EIF2A: variants seen among roughly 807,000 people sequenced by gnomAD.
EIF2A encodes eukaryotic translation initiation factor 2A, also known as 65 kDa eukaryotic translation initiation factor 2A.
Under a neutral mutation model 75.2 loss-of-function variants are expected in EIF2A, and 62 were observed. That is an observed-to-expected ratio of 0.82 (90% CI 0.67 to 1.02). EIF2A has a LOEUF of 1.02. EIF2A is among the 50% of genes least tolerant of loss of function. The pLI is 0.00. For missense variants in EIF2A, 611 were observed against 677.7 expected (o/e 0.90, Z 1.09); for synonymous variants, 207 against 239.0 (o/e 0.87, Z 1.23).
At chr3:150,564,603 T>C in intron 6 of EIF2A, 1 of 345,880 alleles carries the variant, frequency 2.9e-6, no homozygotes. Context: ...GTAATTGCTA[T>C]TAAGACATTT....
Position 150,546,839 on chromosome 3 carries a change from T to G in EIF2A, c.28+9T>G. 1 of 1,612,012 alleles carries G rather than the reference T, an allele frequency of 6.2e-7. No homozygotes were observed. The highest frequency in any genetic ancestry group is 8.5e-7 in the Non-Finnish European group (1 of 1,179,776). ...CACGCCGCTCTTGACAGGTGAGTTC[T>G]GAAGAAGCGAGGGACTCTCTTTCTT... On this transcript the variant is annotated intron_variant, in intron 1 of 13. Coordinates refer to ENST00000460851, the MANE Select transcript of EIF2A (RefSeq NM_032025.5).
At chr3:150,582,068 T>G (rs1160605667) in intron 12 of EIF2A, among the ~76,000 whole-genome samples, 2 of 152,094 alleles carry the variant, frequency 1.3e-5, no homozygotes, top group African/African-American at 4.8e-5. Flanking sequence ...TGCCACAACC[T>G]TGGCTCACTG....
intron 9 of EIF2A, among the ~76,000 whole-genome samples, chr3:150,570,767 A>C (rs947244310): frequency 2.0e-5 from 3 of 152,146 alleles, no homozygotes; most frequent in Non-Finnish European, 2.9e-5. Context: ...GCATCATCAA[A>C]AACTGCTGAC....
At chr3:150,577,331 G>A (rs1199536706) in intron 11 of EIF2A, among the ~76,000 whole-genome samples, 1 of 151,920 alleles carries the variant, frequency 6.6e-6, no homozygotes, top group African/African-American at 2.4e-5. Context: ...GTGGGGTAGG[G>A]TTTTTGGATG....
At chr3:150,551,058 C>T (rs1489995874) in intron 1 of EIF2A, among the ~76,000 whole-genome samples, 1 of 152,110 alleles carries the variant, frequency 6.6e-6, no homozygotes. Context: ...GGGGTTTTTG[C>T]ACTTGTTAAC....
chr3:150,574,604 G>A (rs1724751628), intron 10 of EIF2A, among the ~76,000 whole-genome samples: 1 of 152,158 alleles, frequency 6.6e-6, no homozygotes, highest in African/African-American at 2.4e-5. Flanking sequence ...TACAAATGTG[G>A]GTTCTCATAA....
intron 6 of EIF2A, chr3:150,565,273 A>G (rs752017067): frequency 2.2e-4 from 101 of 453,788 alleles, no homozygotes; most frequent in Admixed American, 1.2e-3. Context: ...CACTTCTTTT[A>G]TCAAGAAGCA....
chr3:150,573,416 T>C (rs887794226), intron 10 of EIF2A, among the ~76,000 whole-genome samples: 3 of 152,174 alleles, frequency 2.0e-5, no homozygotes. Flanking sequence ...CACGTCCAGC[T>C]AATTTTTTTA....
chr3:150,555,734 C>CA (rs1424862401), intron 2 of EIF2A, among the ~76,000 whole-genome samples: 7 of 150,528 alleles, frequency 4.7e-5, no homozygotes, highest in Non-Finnish European at 5.9e-5. Context: ...ATTTAAAAAA[C>CA]AAAAAACAAA....
At chr3:150,565,649 C>G (rs1472403389) in intron 6 of EIF2A, 1 of 157,512 alleles carries the variant, frequency 6.3e-6, no homozygotes, top group Non-Finnish European at 1.4e-5. Flanking sequence ...ATCTCGACTT[C>G]CTGGGCTCAA....
At chr3:150,553,977 A>G (rs1294570279) in intron 2 of EIF2A, among the ~76,000 whole-genome samples, 1 of 152,226 alleles carries the variant, frequency 6.6e-6, no homozygotes, top group Non-Finnish European at 1.5e-5. Context: ...TCTAAATACA[A>G]TTCTTCACTA....
chr3:150,577,900 G>T (rs571393004), intron 11 of EIF2A, among the ~76,000 whole-genome samples: 1 of 152,230 alleles, frequency 6.6e-6, no homozygotes, highest in African/African-American at 2.4e-5. Context: ...AAACCATTCT[G>T]TTCATTTGTA....
rs1725445793 is a variant in EIF2A, at chr3:150,585,754, GTA to G, written c.*1845_*1846del. Among the ~76,000 whole-genome samples the G allele has an allele frequency of 6.6e-6, 1 of 152,214 alleles. No homozygotes were observed. ...TGAAGCCCTAACCTCCAACGTGGTG[GTA>G]TTGGGAGATGGGCCTTTTGGAAGGT... On this transcript the variant is annotated 3_prime_UTR_variant, in exon 14 of 14. Coordinates refer to ENST00000460851, the MANE Select transcript of EIF2A (RefSeq NM_032025.5).
chr3:150,553,043 C>T (rs969458273), intron 2 of EIF2A, among the ~76,000 whole-genome samples: 2 of 151,946 alleles, frequency 1.3e-5, no homozygotes, highest in Non-Finnish European at 1.5e-5. Context: ...AAAGCTGGGC[C>T]CGGTGGCTCA....
chr3:150,547,859 C>G (rs574343171), intron 1 of EIF2A, among the ~76,000 whole-genome samples: 67 of 152,142 alleles, frequency 4.4e-4, no homozygotes, highest in Non-Finnish European at 6.0e-4. Flanking sequence ...GATAATATAC[C>G]AGGCAAAGAC....
chr3:150,565,339 C>T, intron 6 of EIF2A: 1 of 355,460 alleles, frequency 2.8e-6, no homozygotes, highest in Non-Finnish European at 5.6e-6. Context: ...ATGTTTCATG[C>T]CTGGATGCAT....
chr3:150,563,543 C>T lies in EIF2A; in HGVS notation c.321C>T (p.Pro107=). ...CTAAAGATGGCACAGCTGGGATACC[C>T]AACCTACAACTTTATGATGTGAAAA... is the stretch of plus-strand genomic sequence containing the variant. ...TTSKDGTAGI[P]NLQLYDVKTG... Residue 107 remains proline (P), a synonymous_variant, in exon 5 of 14, where the codon CCC becomes CCT. Transcript: ENST00000460851. 6.5e-7 allele frequency: 1 copy of T among 1,545,532 alleles called. No homozygotes were observed. The highest frequency in any genetic ancestry group is 8.7e-7 in the Non-Finnish European group (1 of 1,145,766).
At chr3:150,582,625 T>C (rs1725257236) in intron 12 of EIF2A, among the ~76,000 whole-genome samples, 1 of 152,160 alleles carries the variant, frequency 6.6e-6, no homozygotes, top group Non-Finnish European at 1.5e-5. Context: ...CTCAATACTT[T>C]TATACTCAGT....
Position 150,568,024 on chromosome 3 carries a change from T to A in EIF2A, c.672T>A (p.Val224=). The part of the protein sequence containing the change: ...ANKSFFKADK[V]TMLWNKKATA... The stretch of plus-strand genomic sequence containing the variant: ...AAAGTTTCTTTAAGGCAGATAAAGT[T>A]ACAATGCTGTGGAATAAAAAAGGTA... The change falls in exon 8 of 14, where the codon GTT becomes GTA. Residue 224 remains valine (V), a synonymous_variant. Transcript: ENST00000460851. 6.2e-7 allele frequency: 1 copy of A among 1,609,044 alleles called. No homozygotes were observed. Among genetic ancestry groups the A allele is most frequent in the Non-Finnish European group, 8.5e-7 (1 of 1,178,608 alleles).
Sources: allele counts gnomAD v4.1 joint callset (sites outside exome capture counted in the v4.1 genomes callset), GRCh38; gene constraint gnomAD v4.1.1; transcripts MANE v1.5; gene names NCBI Gene and HGNC (gene_info 2026-07-23, HGNC 2026-07-21).